The following TXLNB variants were observed in gnomAD, a reference collection of about 807,000 sequenced individuals.
The protein encoded by TXLNB is taxilin beta, also known as beta-taxilin.
TXLNB carries 37 observed loss-of-function variants against 57.4 expected under a neutral mutation model. That is an observed-to-expected ratio of 0.64 (90% CI 0.50 to 0.85). The LOEUF is 0.85. Ranked by LOEUF, TXLNB falls within the 40% of genes least tolerant of loss-of-function variation. The probability of loss-of-function intolerance (pLI) is 0.00; values close to 1 mark genes in which losing one functional copy is unlikely to be tolerated. For synonymous variants in TXLNB, 302 were observed against 309.6 expected, an observed-to-expected ratio of 0.98 and a Z score of 0.26; for missense variants, 848 against 825.6, an observed-to-expected ratio of 1.03 and a Z score of -0.33.
At position 139,265,558 on chromosome 6, in the gene TXLNB, C is replaced by T. The variant is rs77418557; in HGVS notation, c.688-2785G>A. On this transcript the variant is annotated intron_variant, in intron 4 of 9. Transcript: ENST00000358430. ...CTAGTTATACATTGTCTTTCTATAT[C>T]TTCCCAAGCTCCCAGCGCATGGATT... Among the ~76,000 whole-genome samples, 5 of 152,276 alleles carry T rather than the reference C, an allele frequency of 3.3e-5. No individual in the cohort carries two copies. The East Asian group carries it at 9.6e-4, about 29-fold the overall frequency.
intron 5 of TXLNB, among the ~76,000 whole-genome samples, chr6:139,261,943 G>A (rs973824850): frequency 7.7e-6 from 1 of 129,542 alleles, no homozygotes; most frequent in Non-Finnish European, 1.5e-5. Flanking sequence ...TCACACTGTC[G>A]CCTGGGCTGG....
chr6:139,278,820 A>G (rs1395851481), intron 2 of TXLNB, among the ~76,000 whole-genome samples: 4 of 152,198 alleles, frequency 2.6e-5, no homozygotes, highest in South Asian at 2.1e-4. Context: ...CCTGGCCAAC[A>G]TGGTGAAACC....
At chr6:139,276,625 T>C (rs1365111164) in intron 3 of TXLNB, among the ~76,000 whole-genome samples, 2 of 152,174 alleles carry the variant, frequency 1.3e-5, no homozygotes, top group Non-Finnish European at 2.9e-5. Flanking sequence ...GAAGCAGAAA[T>C]AAAGGAGAAG....
the TXLNB span, chr6:139,199,857 GC>G: frequency 6.6e-6 from 1 of 152,216 alleles, no homozygotes; most frequent in Non-Finnish European, 1.5e-5. Flanking sequence ...GGTTCATGAT[GC>G]TTTTTTAAGG....
At chr6:139,314,121 T>C in the TXLNB span, among the ~76,000 whole-genome samples, 1 of 152,230 alleles carries the variant, frequency 6.6e-6, no homozygotes, top group Non-Finnish European at 1.5e-5. Flanking sequence ...TTAGACATAT[T>C]TTGAAATAGC....
At chr6:139,319,429 G>T in the TXLNB span, among the ~76,000 whole-genome samples, 4 of 150,664 alleles carry the variant, frequency 2.7e-5, no homozygotes, top group African/African-American at 9.8e-5. Flanking sequence ...TTTGAGACAG[G>T]GTCTCATTCT....
the TXLNB span, among the ~76,000 whole-genome samples, chr6:139,223,678 A>T: frequency 5.3e-5 from 8 of 151,912 alleles, no homozygotes; most frequent in African/African-American, 1.9e-4. Context: ...TTATGCAGCC[A>T]AAAAACACAT....
rs1429718539 is a variant in TXLNB, at chr6:139,291,973, A to G, written c.-67T>C. ...GAGAGGAGAGGAAGGAGGCAGGAAA[A>G]AGCAAGTCAGAGCTGCAGCAACAGC... is the stretch of plus-strand genomic sequence containing the variant. On this transcript the variant is annotated 5_prime_UTR_variant, in exon 1 of 10. Transcript: ENST00000358430. 1 of 153,368 alleles carries G rather than the reference A, an allele frequency of 6.5e-6. No homozygotes were observed. Among genetic ancestry groups the G allele is most frequent in the Non-Finnish European group, 1.5e-5 (1 of 68,882 alleles). 9.5% of individuals were successfully genotyped at this position (153,368 alleles called of 1,614,324 possible). A position where few individuals can be genotyped will look rare whatever the true frequency, so the allele number is the denominator to read the frequency against.
the TXLNB span, among the ~76,000 whole-genome samples, chr6:139,309,987 A>G: frequency 2.6e-5 from 4 of 152,248 alleles, no homozygotes; most frequent in African/African-American, 9.6e-5. Flanking sequence ...CTCGAAACAG[A>G]TAAAGACCTA....
intron 4 of TXLNB, among the ~76,000 whole-genome samples, chr6:139,262,988 AT>A (rs1776525159): frequency 6.6e-6 from 1 of 152,156 alleles, no homozygotes; most frequent in African/African-American, 2.4e-5. Context: ...AAGGCCTTGA[AT>A]TTGTAGTCAG....
intron 6 of TXLNB, among the ~76,000 whole-genome samples, chr6:139,257,401 A>C (rs975699893): frequency 3.3e-5 from 5 of 152,132 alleles, no homozygotes; most frequent in African/African-American, 1.2e-4. Context: ...TTGTTTTCAT[A>C]CTTATATTTC....
chr6:139,295,419 C>T (rs1416691488), upstream of TXLNB, among the ~76,000 whole-genome samples: 1 of 152,158 alleles, frequency 6.6e-6, no homozygotes, highest in Non-Finnish European at 1.5e-5. Context: ...TTTGAAAATA[C>T]ATCTAACTGT....
chr6:139,288,574 G>A lies in TXLNB; in HGVS notation c.326C>T (p.Ala109Val), dbSNP rs188381052. 6.2e-7 allele frequency: 1 copy of A among 1,614,176 alleles called. No individual in the cohort carries two copies. The highest frequency in any genetic ancestry group is 1.1e-5 in the South Asian group (1 of 91,082). ...DGDCEETTEEAGREPVASGEP... is the reference protein window; with the variant it reads ...DGDCEETTEEVGREPVASGEP... Reference sequence around the variant, plus strand: ...TCCAGAAGCAACGGGTTCTCTTCCAGCCTCTTCAGTTGTTTCCTCACAGTC... The same window carrying A: ...TCCAGAAGCAACGGGTTCTCTTCCAACCTCTTCAGTTGTTTCCTCACAGTC... Residue 109 changes from alanine to valine, a missense_variant, in exon 2 of 10, where the codon GCT becomes GTT. By Grantham distance (64) the Ala-to-Val change is moderately conservative (BLOSUM62 0). Coordinates refer to ENST00000358430, the MANE Select transcript of TXLNB (RefSeq NM_153235.4).
the TXLNB span, among the ~76,000 whole-genome samples, chr6:139,313,900 G>C: frequency 6.6e-6 from 1 of 152,118 alleles, no homozygotes; most frequent in Non-Finnish European, 1.5e-5. Context: ...GATGGAAAGA[G>C]GGAGTCCAGG....
At chr6:139,294,422 T>A (rs183344575), upstream of TXLNB, among the ~76,000 whole-genome samples, 5 of 152,288 alleles carry the variant, frequency 3.3e-5, no homozygotes, top group South Asian at 2.1e-4. Flanking sequence ...ATGGTCTGAA[T>A]GTTTGTGTCC....
the TXLNB span, among the ~76,000 whole-genome samples, chr6:139,215,128 T>C: frequency 6.7e-6 from 1 of 150,242 alleles, no homozygotes; most frequent in Non-Finnish European, 1.5e-5. Context: ...AAAAAACTAC[T>C]TTAAAGTTCA....
chr6:139,173,881 G>A, the TXLNB span, among the ~76,000 whole-genome samples: 2 of 152,170 alleles, frequency 1.3e-5, no homozygotes, highest in African/African-American at 4.8e-5. Context: ...TGAGGACAAG[G>A]ATAGTTAACA....
chr6:139,262,228 A>G (rs1233247983), intron 5 of TXLNB, among the ~76,000 whole-genome samples: 4 of 152,158 alleles, frequency 2.6e-5, no homozygotes, highest in Non-Finnish European at 5.9e-5. Context: ...CTTAATTTAG[A>G]TGACATGGCA....
At chr6:139,288,950 C>A in intron 1 of TXLNB, 37 bp from the exon 2 acceptor site, 1 of 1,431,940 alleles carries the variant, frequency 7.0e-7, no homozygotes. Context: ...TGTAGCTAAC[C>A]TACTTGCTAC....
Sources: gnomAD v4.1 joint callset for allele counts (sites outside exome capture counted in the v4.1 genomes callset) on GRCh38, gnomAD v4.1.1 for gene constraint, MANE v1.5 for transcripts, NCBI Gene and HGNC (gene_info 2026-07-23, HGNC 2026-07-21) for gene names.